Variants in AKT3 observed in about 807,000 individuals in gnomAD.
The protein encoded by AKT3 is RAC-gamma serine/threonine-protein kinase.
AKT3 carries 15 observed loss-of-function variants against 65.3 expected under a neutral mutation model. The ratio of observed to expected loss-of-function variants is 0.23; its 90% CI spans 0.15 to 0.35. AKT3 has a LOEUF of 0.35. AKT3 is among the 10% of genes least tolerant of loss of function. The pLI, the probability that AKT3 is intolerant of heterozygous loss-of-function variation, is 1.00. For missense variants in AKT3, 243 were observed against 576.5 expected (o/e 0.42, Z 5.92); for synonymous variants, 206 against 183.8 (o/e 1.12, Z -0.98).
At position 243,531,552 on chromosome 1, in the gene AKT3, G is replaced by A. The variant is rs115737338; in HGVS notation, c.1251+13958C>T. 5.8e-3 allele frequency among the ~76,000 whole-genome samples: 887 copies of A among 151,958 alleles called. 10 individuals are homozygous for A. Among genetic ancestry groups the A allele is most frequent in the African/African-American group, 0.02 (816 of 41,456 alleles). On this transcript the variant is annotated intron_variant, in intron 12 of 13. Coordinates refer to ENST00000673466, the MANE Select transcript of AKT3 (RefSeq NM_005465.7). ...GGTGCATTTTCAGTTTTTGTAGTACGGTATTCTGTAAATATCCTCAGTATT... is the reference window on the plus strand; with the variant it reads ...GGTGCATTTTCAGTTTTTGTAGTACAGTATTCTGTAAATATCCTCAGTATT...
downstream of AKT3, among the ~76,000 whole-genome samples, chr1:243,496,430 G>T (rs1353145380): frequency 1.3e-5 from 2 of 152,256 alleles, no homozygotes; most frequent in Non-Finnish European, 2.9e-5. Context: ...GAGGTAGGGG[G>T]AGGGGCCTGC....
At chr1:243,638,083 A>G (rs1229638799) in intron 5 of AKT3, among the ~76,000 whole-genome samples, 1 of 152,188 alleles carries the variant, frequency 6.6e-6, no homozygotes, top group African/African-American at 2.4e-5. Context: ...CTACCCCCAG[A>G]AAATGTGATA....
intron 3 of AKT3, among the ~76,000 whole-genome samples, chr1:243,683,465 T>C (rs1324442912): frequency 9.2e-5 from 14 of 152,144 alleles, no homozygotes; most frequent in Non-Finnish European, 5.9e-5. Context: ...ACACACAAGG[T>C]AGAAAACTTC....
At chr1:243,532,896 A>G (rs1441150730) in intron 12 of AKT3, among the ~76,000 whole-genome samples, 1 of 152,152 alleles carries the variant, frequency 6.6e-6, no homozygotes, top group Non-Finnish European at 1.5e-5. Context: ...TATTTCCAGG[A>G]ATGTGTCCAT....
chr1:243,599,580 T>C (rs1168496585), intron 8 of AKT3, among the ~76,000 whole-genome samples: 1 of 152,140 alleles, frequency 6.6e-6, no homozygotes, highest in Non-Finnish European at 1.5e-5. Context: ...TGAGAAAAGA[T>C]ACATATTCTA....
At chr1:243,755,075 T>C (rs937965733) in intron 2 of AKT3, among the ~76,000 whole-genome samples, 2 of 152,066 alleles carry the variant, frequency 1.3e-5, no homozygotes, top group East Asian at 1.9e-4. Context: ...TTAATTATTA[T>C]TGGTTTTTTT....
intron 2 of AKT3, among the ~76,000 whole-genome samples, chr1:243,754,052 A>G (rs1341006882): frequency 2.6e-5 from 4 of 152,136 alleles, no homozygotes; most frequent in Admixed American, 2.6e-4. Flanking sequence ...CCTCATCTCT[A>G]TTTATTTTCC....
intron 2 of AKT3, among the ~76,000 whole-genome samples, chr1:243,711,189 C>T (rs530846358): frequency 9.9e-5 from 15 of 151,998 alleles, no homozygotes; most frequent in Middle Eastern, 3.4e-3. Context: ...TGTGGTGGCA[C>T]GTGCCTGTAG....
chr1:243,826,764 T>A (rs1694194091), intron 2 of AKT3, among the ~76,000 whole-genome samples: 1 of 152,244 alleles, frequency 6.6e-6, no homozygotes. Context: ...TTTTTGTTGT[T>A]ACTGTTGGCT....
chr1:243,505,730 G>A (rs1288177074), intron 13 of AKT3, among the ~76,000 whole-genome samples: 2 of 152,304 alleles, frequency 1.3e-5, no homozygotes, highest in East Asian at 1.9e-4. Flanking sequence ...ATTCATCATC[G>A]AATGTCTTCA....
At chr1:243,557,617 A>G (rs1354724558) in intron 10 of AKT3, among the ~76,000 whole-genome samples, 2 of 152,054 alleles carry the variant, frequency 1.3e-5, no homozygotes, top group African/African-American at 4.8e-5. Flanking sequence ...AAATAGCAAC[A>G]TACTATAGAA....
At chr1:243,660,502 AT>A (rs1461205561) in intron 4 of AKT3, among the ~76,000 whole-genome samples, 1 of 152,234 alleles carries the variant, frequency 6.6e-6, no homozygotes, top group African/African-American at 2.4e-5. Flanking sequence ...CTTTGACAAA[AT>A]TCAACAACCC....
chr1:243,592,800 A>G (rs945230192), intron 8 of AKT3, among the ~76,000 whole-genome samples: 9 of 152,200 alleles, frequency 5.9e-5, no homozygotes, highest in Admixed American at 1.3e-4. Context: ...CAGGGAACAG[A>G]AATTAATTTT....
At chr1:243,730,748 CCTT>C (rs1051752333) in intron 2 of AKT3, among the ~76,000 whole-genome samples, 1 of 152,216 alleles carries the variant, frequency 6.6e-6, no homozygotes, top group African/African-American at 2.4e-5. Context: ...CTGACCCACT[CCTT>C]GAGGCTCTGC....
At chr1:243,557,588 T>C (rs1240240391) in intron 10 of AKT3, among the ~76,000 whole-genome samples, 1 of 152,008 alleles carries the variant, frequency 6.6e-6, no homozygotes, top group Non-Finnish European at 1.5e-5. Context: ...GCTTTTAATA[T>C]TACCCAGAAA....
At chr1:243,616,520 TAAA>T (rs751348852) in intron 6 of AKT3, among the ~76,000 whole-genome samples, 4 of 152,086 alleles carry the variant, frequency 2.6e-5, no homozygotes, top group African/African-American at 4.8e-5. Context: ...AACACTATCT[TAAA>T]GAAGAAACGA....
rs1460663903 is a variant in AKT3, at chr1:243,699,476, T to C, written c.47-3760A>G. 2.5e-3 allele frequency among the ~76,000 whole-genome samples: 31 copies of C among 12,436 alleles called. 1 individual carries two copies. Among genetic ancestry groups the C allele is most frequent in the African/African-American group, 4.2e-3 (28 of 6,688 alleles). The allele number at this position is 12,436 out of a possible 152,430, so 8.2% of individuals were successfully genotyped here. A position where few individuals can be genotyped will look rare whatever the true frequency, so the allele number is the denominator to read the frequency against. On this transcript the variant is annotated intron_variant, in intron 2 of 13. Transcript: ENST00000673466. ...CCCAACCTCTTCCACTATATATATATATATATATATATATATATATATATA... is the reference window on the plus strand; with the variant it reads ...CCCAACCTCTTCCACTATATATATACATATATATATATATATATATATATA...
At chr1:243,564,475 C>A (rs1196963552) in intron 9 of AKT3, among the ~76,000 whole-genome samples, 2 of 151,856 alleles carry the variant, frequency 1.3e-5, no homozygotes, top group Non-Finnish European at 1.5e-5. Flanking sequence ...AAAGTTGGAC[C>A]CTCTTTGAAC....
At chr1:243,771,726 C>T (rs1319444368) in intron 2 of AKT3, among the ~76,000 whole-genome samples, 1 of 152,042 alleles carries the variant, frequency 6.6e-6, no homozygotes, top group Non-Finnish European at 1.5e-5. Flanking sequence ...CAATGACAAG[C>T]AGAATGGTCT....
Sources: allele counts gnomAD v4.1 joint callset (sites outside exome capture counted in the v4.1 genomes callset), GRCh38; gene constraint gnomAD v4.1.1; transcripts MANE v1.5; gene names NCBI Gene and HGNC (gene_info 2026-07-23, HGNC 2026-07-21).